Variants in CTCF observed in about 807,000 individuals in gnomAD.
CTCF encodes CCCTC-binding factor.
In CTCF, 7 loss-of-function variants were observed where a neutral mutation model predicts 72.3. The ratio of observed to expected loss-of-function variants is 0.10; its 90% confidence interval spans 0.06 to 0.18. The LOEUF is 0.18. Ranked by LOEUF, CTCF falls within the 10% of genes least tolerant of loss-of-function variation. The pLI, the probability that CTCF is intolerant of heterozygous loss-of-function variation, is 1.00. For missense variants in CTCF, 516 were observed against 949.1 expected, an observed-to-expected ratio of 0.54 and a Z score of 6.00; for synonymous variants, 374 against 315.8, an observed-to-expected ratio of 1.18 and a Z score of -1.95.
intron 4 of CTCF, 193 bp from the exon 5 acceptor site, chr16:67,616,552 T>C: frequency 3.3e-6 from 2 of 613,510 alleles, no homozygotes; most frequent in South Asian, 2.0e-5. Context: ...TGTTATAATA[T>C]CCTGGTGTTA....
At chr16:67,602,842 CAAAAAAAAAAA>C (rs75191313) in intron 2 of CTCF, among the ~76,000 whole-genome samples, 1 of 55,352 alleles carries the variant, frequency 1.8e-5, no homozygotes, top group Non-Finnish European at 4.0e-5. Flanking sequence ...ACTCCATCTC[CAAAAAAAAAAA>C]AAAAAAAAGA....
At chr16:67,613,798 A>C (rs1446628436) in intron 4 of CTCF, among the ~76,000 whole-genome samples, 1 of 152,106 alleles carries the variant, frequency 6.6e-6, no homozygotes, top group Non-Finnish European at 1.5e-5. Context: ...AAATAAATAA[A>C]TAAATGGCCC....
At chr16:67,590,669 G>T (rs989267738) in intron 2 of CTCF, among the ~76,000 whole-genome samples, 1 of 151,402 alleles carries the variant, frequency 6.6e-6, no homozygotes, top group East Asian at 2.0e-4. Context: ...GCCGAGCACG[G>T]TGATCGGCCA....
At chr16:67,606,881 C>T (rs1292977366) in intron 2 of CTCF, among the ~76,000 whole-genome samples, 3 of 151,610 alleles carry the variant, frequency 2.0e-5, no homozygotes, top group Admixed American at 2.0e-4. Flanking sequence ...TCGAGCCTCA[C>T]TCAGCCTTCC....
At chr16:67,629,178 G>A (rs2052330253) in intron 9 of CTCF, among the ~76,000 whole-genome samples, 1 of 146,938 alleles carries the variant, frequency 6.8e-6, no homozygotes, top group Non-Finnish European at 1.5e-5. Context: ...AGAACTAAGA[G>A]CTGGTCTGAT....
chr16:67,590,131 A>G (rs1312174926), intron 2 of CTCF, among the ~76,000 whole-genome samples: 7 of 151,114 alleles, frequency 4.6e-5, no homozygotes, highest in Non-Finnish European at 7.4e-5. Flanking sequence ...TTTTTTTTTA[A>G]AGAAGAGAGT....
intron 2 of CTCF, among the ~76,000 whole-genome samples, chr16:67,587,017 C>G (rs1167167155): frequency 6.6e-6 from 1 of 151,246 alleles, no homozygotes; most frequent in Non-Finnish European, 1.5e-5. Context: ...CTTGTCCCAT[C>G]TCTTGGGTTT....
chr16:67,590,189 C>G (rs959379590), intron 2 of CTCF, among the ~76,000 whole-genome samples: 1 of 150,904 alleles, frequency 6.6e-6, no homozygotes, highest in Non-Finnish European at 1.5e-5. Context: ...GAATTATTGT[C>G]TAGCCTTTAT....
intron 2 of CTCF, among the ~76,000 whole-genome samples, chr16:67,596,952 C>T (rs2051823411): frequency 1.3e-5 from 2 of 152,286 alleles, no homozygotes; most frequent in South Asian, 4.1e-4. Context: ...TCTCTTATTA[C>T]TTAGGCTTCT....
chr16:67,607,401 G>T (rs920276099), intron 2 of CTCF, among the ~76,000 whole-genome samples: 1 of 151,878 alleles, frequency 6.6e-6, no homozygotes, highest in African/African-American at 2.4e-5. Flanking sequence ...CACCTCCAGG[G>T]TTCAAGTTCT....
chr16:67,585,346 G>A (rs955443670), intron 2 of CTCF, among the ~76,000 whole-genome samples: 30 of 152,168 alleles, frequency 2.0e-4, no homozygotes, highest in Admixed American at 5.9e-4. Flanking sequence ...CACCGTGCCC[G>A]TCTTACACAT....
intron 1 of CTCF, among the ~76,000 whole-genome samples, chr16:67,569,390 T>A (rs1330003757): frequency 2.6e-5 from 4 of 151,738 alleles, no homozygotes; most frequent in African/African-American, 9.7e-5. Context: ...TTCACTATGT[T>A]GGCCAGGATG....
chr16:67,591,188 G>A (rs542094806), intron 2 of CTCF, among the ~76,000 whole-genome samples: 9 of 152,016 alleles, frequency 5.9e-5, no homozygotes, highest in South Asian at 2.1e-4. Flanking sequence ...AGCTACTCAG[G>A]AGGCTGAGGC....
chr16:67,577,548 C>G (rs1423935640), intron 2 of CTCF, among the ~76,000 whole-genome samples: 1 of 151,370 alleles, frequency 6.6e-6, no homozygotes, highest in African/African-American at 2.4e-5. Context: ...TGTCATTCCC[C>G]CGCCTCAGCC....
intron 2 of CTCF, among the ~76,000 whole-genome samples, chr16:67,574,909 G>A (rs1183387910): frequency 6.6e-5 from 10 of 150,890 alleles, no homozygotes; most frequent in African/African-American, 1.2e-4. Flanking sequence ...TGCCTGCCTC[G>A]GCCTCCCAAA....
chr16:67,616,980 A>G, intron 5 of CTCF, 102 bp downstream of exon 5: 1 of 1,201,152 alleles, frequency 8.3e-7, no homozygotes, highest in Non-Finnish European at 1.2e-6. Context: ...ATGAGGTAGA[A>G]AAATGTTAGT....
intron 2 of CTCF, among the ~76,000 whole-genome samples, chr16:67,587,082 G>T (rs752232274): frequency 2.0e-5 from 3 of 150,894 alleles, no homozygotes; most frequent in Non-Finnish European, 4.4e-5. Context: ...TCATTTTAGG[G>T]TAGGTAACTT....
Position 67,638,152 on chromosome 16 carries a change from C to T in CTCF, c.*280C>T, listed in dbSNP as rs1177299899. On this transcript the variant is annotated 3_prime_UTR_variant, in exon 12 of 12. Transcript: ENST00000264010. ...ACTAACTCGTTTTCCTAGATGGAAA[C>T]GGAGACATTGACCCCTCCCTCCATG... 8.4e-6 allele frequency: 3 copies of T among 357,438 alleles called. No homozygotes were observed. The highest frequency in any genetic ancestry group is 1.8e-4 in the South Asian group (2 of 11,032). The allele number at this position is 357,438 out of a possible 1,614,324, so 22.1% of individuals were successfully genotyped here.
At chr16:67,604,730 G>GTTTTTTTTTTTTTTTTTTTTTTTT (rs533827293) in intron 2 of CTCF, among the ~76,000 whole-genome samples, 3 of 123,746 alleles carry the variant, frequency 2.4e-5, no homozygotes, top group South Asian at 2.5e-4. Context: ...TTTCACCAGG[G>GTTTTTTTTTTTTTTTTTTTTTTTT]TTTTTTTTTT....
Sources: allele counts gnomAD v4.1 joint callset (sites outside exome capture counted in the v4.1 genomes callset), GRCh38; gene constraint gnomAD v4.1.1; transcripts MANE v1.5; gene names NCBI Gene and HGNC (gene_info 2026-07-23, HGNC 2026-07-21).